Variants in PLPP1 observed in about 807,000 individuals in gnomAD.
PLPP1 encodes lipid phosphate phosphohydrolase 1a.
A neutral mutation model predicts 31.2 loss-of-function variants in PLPP1; 24 were observed. The observed-to-expected ratio is 0.77, with a 90% CI of 0.56 to 1.08. PLPP1 has a LOEUF of 1.08. Ranked by LOEUF, PLPP1 falls within the 50% of genes least tolerant of loss-of-function variation. The pLI is 0.00. For missense variants in PLPP1, 319 were observed against 342.7 expected (o/e 0.93, Z 0.55); for synonymous variants, 146 against 126.3 (o/e 1.16, Z -1.05).
intron 1 of PLPP1, among the ~76,000 whole-genome samples, chr5:55,493,015 A>G (rs957229056): frequency 6.6e-6 from 1 of 152,204 alleles, no homozygotes; most frequent in African/African-American, 2.4e-5. Context: ...TGTGTTCACG[A>G]TAAGAACTCA....
intron 1 of PLPP1, among the ~76,000 whole-genome samples, chr5:55,521,614 TCTCA>T (rs1446436622): frequency 5.9e-5 from 9 of 152,354 alleles, no homozygotes; most frequent in Non-Finnish European, 1.2e-4. Flanking sequence ...GGAGACCTTG[TCTCA>T]CTCATTCTTA....
chr5:55,490,474 C>T (rs1752866391), intron 1 of PLPP1, among the ~76,000 whole-genome samples: 1 of 151,956 alleles, frequency 6.6e-6, no homozygotes, highest in South Asian at 2.1e-4. Context: ...TTAATGTATT[C>T]TGATAATTTT....
chr5:55,515,565 T>C (rs1217651059), intron 1 of PLPP1, among the ~76,000 whole-genome samples: 1 of 152,228 alleles, frequency 6.6e-6, no homozygotes, highest in Non-Finnish European at 1.5e-5. Context: ...AACTCACCAC[T>C]GAAATGGCTT....
chr5:55,472,648 AAGAAAGAAAGAGAGAGAG>A lies in PLPP1; in HGVS notation c.210+2633_210+2650del, dbSNP rs201152366. 8.0e-5 allele frequency among the ~76,000 whole-genome samples: 4 copies of A among 50,134 alleles called. No individual in the cohort carries two copies. In the South Asian group the frequency reaches 3.1e-3, roughly 39 times the overall value. The allele number at this position is 50,134 out of a possible 152,430, so 32.9% of individuals were successfully genotyped here. A position where few individuals can be genotyped will look rare whatever the true frequency, so the allele number is the denominator to read the frequency against. ...GGAAAGAAAGAGACAGAGAGAGAGA[AAGAAAGAAAGAGAGAGAG>A]AGACAGAAAGAGAGAGATAAAGACA... is the stretch of plus-strand genomic sequence containing the variant. On this transcript the variant is annotated intron_variant, in intron 2 of 5. Transcript: ENST00000307259.
chr5:55,458,919 C>G, intron 3 of PLPP1, among the ~76,000 whole-genome samples: 1 of 74,580 alleles, frequency 1.3e-5, no homozygotes, highest in Non-Finnish European at 2.9e-5. Flanking sequence ...AAAAAAAACA[C>G]ATAGCAAAAT....
intron 1 of PLPP1, among the ~76,000 whole-genome samples, chr5:55,503,882 T>A (rs1454245511): frequency 3.2e-5 from 1 of 31,572 alleles, no homozygotes; most frequent in African/African-American, 1.2e-4. Flanking sequence ...GGGGAAGAAG[T>A]AGAGGGGGGA....
At chr5:55,443,192 A>AAAAAAAAAATATATAT in intron 3 of PLPP1, among the ~76,000 whole-genome samples, 6 of 25,438 alleles carry the variant, frequency 2.4e-4, no homozygotes, top group Admixed American at 7.8e-4. Context: ...AAAAAAAAAA[A>AAAAAAAAAATATATAT]ATATATATAT....
intron 1 of PLPP1, among the ~76,000 whole-genome samples, chr5:55,505,653 C>A (rs6890020): frequency 0.88 from 133,229 of 152,234 alleles, 58,433 homozygotes; most frequent in South Asian, 0.92. Context: ...GTCAAAAGGT[C>A]AATGACAAAA....
At chr5:55,531,308 G>A (rs1368147432) in intron 1 of PLPP1, among the ~76,000 whole-genome samples, 1 of 152,204 alleles carries the variant, frequency 6.6e-6, no homozygotes, top group African/African-American at 2.4e-5. Context: ...AGAGGAAGTC[G>A]TGTTTCACAC....
chr5:55,436,194 G>C (rs1256538918), intron 4 of PLPP1, among the ~76,000 whole-genome samples: 1 of 152,100 alleles, frequency 6.6e-6, no homozygotes, highest in Non-Finnish European at 1.5e-5. Context: ...GGCAGCAAAT[G>C]CTTCACTGAG....
In PLPP1 at chr5:55,479,822, C is replaced by T. The variant is rs535869747; in HGVS notation, c.59-4372G>A. Among the ~76,000 whole-genome samples the T allele has an allele frequency of 2.6e-5, 4 of 152,300 alleles. No homozygotes were observed. The East Asian group carries it at 7.7e-4, about 29-fold the overall frequency. On this transcript the variant is annotated intron_variant, in intron 1 of 5. Coordinates refer to ENST00000307259, the MANE Select transcript of PLPP1 (RefSeq NM_003711.4). ...AAAATCAACTATAATTTAACCATTC[C>T]TCCTACTTTGAGAGCATGTAGGTTA...
intron 1 of PLPP1, among the ~76,000 whole-genome samples, chr5:55,532,238 T>C (rs896600988): frequency 2.0e-5 from 3 of 152,224 alleles, no homozygotes; most frequent in Non-Finnish European, 4.4e-5. Flanking sequence ...TTTTTTTTAA[T>C]TGCAGATCTA....
At chr5:55,511,467 G>GT (rs933465529) in intron 1 of PLPP1, among the ~76,000 whole-genome samples, 20 of 151,010 alleles carry the variant, frequency 1.3e-4, no homozygotes, top group South Asian at 4.2e-4. Context: ...AATATCACAA[G>GT]TTTTTTTTTC....
At chr5:55,467,034 TTC>T (rs1295977290) in intron 3 of PLPP1, among the ~76,000 whole-genome samples, 16 of 152,338 alleles carry the variant, frequency 1.1e-4, no homozygotes, top group African/African-American at 3.4e-4. Flanking sequence ...GTTCTAAACA[TTC>T]TGTTTCATTC....
intron 3 of PLPP1, among the ~76,000 whole-genome samples, chr5:55,459,328 T>C (rs1157734148): frequency 6.6e-6 from 1 of 150,418 alleles, no homozygotes; most frequent in Non-Finnish European, 1.5e-5. Flanking sequence ...AAAAAGACAA[T>C]TCAACAATTA....
chr5:55,502,333 A>G (rs896021683), intron 1 of PLPP1, among the ~76,000 whole-genome samples: 3 of 152,182 alleles, frequency 2.0e-5, no homozygotes, highest in Admixed American at 2.0e-4. Flanking sequence ...CGAAAAAGAC[A>G]AAAATTAGCC....
intron 1 of PLPP1, chr5:55,491,182 A>T (rs1160113117): frequency 6.6e-7 from 1 of 1,512,822 alleles, no homozygotes; most frequent in African/African-American, 1.4e-5. Flanking sequence ...AGTAAAGTCT[A>T]CTGAATGGGA....
intron 4 of PLPP1, among the ~76,000 whole-genome samples, chr5:55,436,912 T>C (rs969613535): frequency 6.6e-6 from 1 of 152,312 alleles, no homozygotes; most frequent in East Asian, 1.9e-4. Context: ...ATAGGACTTT[T>C]GTGGGTGATT....
chr5:55,530,682 C>T (rs1579990701), intron 1 of PLPP1: 2 of 1,596,150 alleles, frequency 1.3e-6, no homozygotes, highest in African/African-American at 1.3e-5. Flanking sequence ...GTCTAAGGCC[C>T]GTTCAGGGCA....
Sources: allele counts gnomAD v4.1 joint callset (sites outside exome capture counted in the v4.1 genomes callset), GRCh38; gene constraint gnomAD v4.1.1; transcripts MANE v1.5; gene names NCBI Gene and HGNC (gene_info 2026-07-23, HGNC 2026-07-21).